Variants in TMEM132B observed in about 807,000 individuals in gnomAD.
The protein encoded by TMEM132B is transmembrane protein 132B.
TMEM132B carries 18 observed loss-of-function variants against 90.8 expected under a neutral mutation model. The ratio of observed to expected loss-of-function variants is 0.20; its 90% CI spans 0.14 to 0.29. TMEM132B has a LOEUF of 0.29. TMEM132B is among the 10% of genes least tolerant of loss of function. TMEM132B has a pLI of 1.00. For synonymous variants in TMEM132B, 504 were observed against 523.3 expected, an observed-to-expected ratio of 0.96 and a Z score of 0.50; for missense variants, 1,096 against 1,326.8, an observed-to-expected ratio of 0.83 and a Z score of 2.70.
intron 4 of TMEM132B, among the ~76,000 whole-genome samples, chr12:125,555,640 C>A (rs1438871122): frequency 6.6e-6 from 1 of 150,960 alleles, no homozygotes; most frequent in African/African-American, 2.4e-5. Flanking sequence ...GTGCAGCACA[C>A]CAACATGGCA....
intron 5 of TMEM132B, among the ~76,000 whole-genome samples, chr12:125,606,303 T>A (rs548038539): frequency 1.4e-5 from 2 of 147,822 alleles, no homozygotes; most frequent in Admixed American, 1.3e-4. Context: ...GGGCAAGGAC[T>A]GATTTCTTTC....
intron 1 of TMEM132B, among the ~76,000 whole-genome samples, chr12:125,272,594 G>T (rs1364852205): frequency 6.6e-6 from 1 of 152,072 alleles, no homozygotes; most frequent in Non-Finnish European, 1.5e-5. Flanking sequence ...AACTCGAGTT[G>T]GCACCACATC....
At chr12:125,222,367 A>G (rs564136415) in intron 1 of TMEM132B, among the ~76,000 whole-genome samples, 4 of 152,338 alleles carry the variant, frequency 2.6e-5, no homozygotes, top group African/African-American at 9.6e-5. Context: ...CATAGTTACT[A>G]TAATGCTGGG....
intron 2 of TMEM132B, among the ~76,000 whole-genome samples, chr12:125,365,468 C>A (rs543838569): frequency 6.6e-6 from 1 of 152,128 alleles, no homozygotes; most frequent in Admixed American, 6.5e-5. Flanking sequence ...TAGCCTTTTG[C>A]ATTTATCCAG....
chr12:125,352,028 A>G (rs1012936637), intron 2 of TMEM132B, among the ~76,000 whole-genome samples: 3 of 152,200 alleles, frequency 2.0e-5, no homozygotes, highest in African/African-American at 7.2e-5. Flanking sequence ...GCTGCCATCT[A>G]TATTTTCTGA....
rs12307367 is a variant in TMEM132B, at chr12:125,429,680, C to T, written c.1106+14003C>T. ...GAAGGCCCCTTTATTGAACCTTGTC[C>T]GATTATTTTTAACTTAACTAAACTG... On this transcript the variant is annotated intron_variant, in intron 3 of 8. Transcript: ENST00000682704. Among the ~76,000 whole-genome samples, 569 of 152,160 alleles carry T rather than the reference C, an allele frequency of 3.7e-3. 4 individuals carry two copies. Among genetic ancestry groups the T allele is most frequent in the African/African-American group, 0.013 (545 of 41,464 alleles).
intron 3 of TMEM132B, among the ~76,000 whole-genome samples, chr12:125,519,025 G>A (rs1369355242): frequency 6.6e-6 from 1 of 152,200 alleles, no homozygotes; most frequent in Non-Finnish European, 1.5e-5. Context: ...AGCAGGAATG[G>A]CCAAGGTCCA....
In TMEM132B at chr12:125,498,789, G is replaced by A. The variant is rs1882621852; in HGVS notation, c.1107-20650G>A. Among the ~76,000 whole-genome samples the A allele has an allele frequency of 6.6e-6, 1 of 152,202 alleles. No homozygotes were observed. The highest frequency in any genetic ancestry group is 1.5e-5 in the Non-Finnish European group (1 of 68,034). On this transcript the variant is annotated intron_variant, in intron 3 of 8. Transcript: ENST00000682704. This position sits in a 1 kb window ranked among gnomAD's most constrained non-coding sequence, Gnocchi z 4.5. ...AGGATACTGGTTAACGGTGTCTCTGGAGGTGACTTCCTAAGAGCTTCTGGC... is the reference window on the plus strand; with the variant it reads ...AGGATACTGGTTAACGGTGTCTCTGAAGGTGACTTCCTAAGAGCTTCTGGC...
chr12:125,325,075 T>C (rs1876523675), intron 1 of TMEM132B, among the ~76,000 whole-genome samples: 1 of 152,194 alleles, frequency 6.6e-6, no homozygotes, highest in South Asian at 2.1e-4. Context: ...AAGGGGTAGA[T>C]GTAGCCTGAG....
chr12:125,270,950 T>TG (rs938661609), intron 1 of TMEM132B, among the ~76,000 whole-genome samples: 3 of 148,698 alleles, frequency 2.0e-5, no homozygotes, highest in African/African-American at 7.4e-5. Context: ...ACATAGTTGT[T>TG]TTTTTTTTTT....
chr12:125,583,799 G>A (rs932036280), intron 4 of TMEM132B, 52 bp from the exon 5 acceptor site: 1 of 1,599,060 alleles, frequency 6.3e-7, no homozygotes, highest in Admixed American at 1.7e-5. Flanking sequence ...TCTCCTGCTC[G>A]CCCCTGTGGT....
In TMEM132B at chr12:125,403,234, T is replaced by C. The variant is rs1008453525; in HGVS notation, c.960-12297T>C. 1.3e-5 allele frequency among the ~76,000 whole-genome samples: 2 copies of C among 152,320 alleles called. 1 individual carries two copies. Among genetic ancestry groups the C allele is most frequent in the East Asian group, 3.9e-4 (2 of 5,190 alleles). ...GACATTATCTAGACATGTGAGCCCC[T>C]GTCTTGAATCTACCTCTACTTTCAG... On this transcript the variant is annotated intron_variant, in intron 2 of 8. Coordinates refer to ENST00000682704, the MANE Select transcript of TMEM132B (RefSeq NM_001366854.1).
intron 3 of TMEM132B, among the ~76,000 whole-genome samples, chr12:125,481,269 G>A (rs1882035675): frequency 6.6e-6 from 1 of 152,198 alleles, no homozygotes; most frequent in African/African-American, 2.4e-5. Flanking sequence ...AATCAGGCAA[G>A]AGAAAGAAAG....
At chr12:125,538,825 C>T (rs1298565502) in intron 4 of TMEM132B, among the ~76,000 whole-genome samples, 2 of 152,206 alleles carry the variant, frequency 1.3e-5, no homozygotes, top group Non-Finnish European at 2.9e-5. Flanking sequence ...ATGGCACCAT[C>T]ATCACCCTGC....
intron 1 of TMEM132B, among the ~76,000 whole-genome samples, chr12:125,241,325 T>C (rs958370291): frequency 1.3e-5 from 2 of 152,196 alleles, no homozygotes; most frequent in Non-Finnish European, 1.5e-5. Context: ...TAAAAATACC[T>C]GTGCTTCTCT....
chr12:125,244,384 C>T (rs1366443853), intron 1 of TMEM132B, among the ~76,000 whole-genome samples: 1 of 152,186 alleles, frequency 6.6e-6, no homozygotes. Flanking sequence ...CATGACCGCG[C>T]TATGGGGAGA....
intron 3 of TMEM132B, among the ~76,000 whole-genome samples, chr12:125,468,101 T>C (rs967746603): frequency 6.6e-6 from 1 of 151,968 alleles, no homozygotes; most frequent in Admixed American, 6.6e-5. Context: ...AGATGTATTC[T>C]TTCAGTTCTC....
intron 1 of TMEM132B, among the ~76,000 whole-genome samples, chr12:125,248,911 A>T (rs948531149): frequency 1.3e-5 from 2 of 151,898 alleles, no homozygotes; most frequent in Non-Finnish European, 2.9e-5. Context: ...TTCCTGGGGA[A>T]CCCAACCTGT....
intron 2 of TMEM132B, among the ~76,000 whole-genome samples, chr12:125,369,403 G>A (rs958311891): frequency 3.3e-5 from 5 of 152,086 alleles, no homozygotes; most frequent in African/African-American, 1.2e-4. Context: ...GGGATGGCTG[G>A]GTCAAATGGT....
Sources: allele counts gnomAD v4.1 joint callset (sites outside exome capture counted in the v4.1 genomes callset), GRCh38; gene constraint gnomAD v4.1.1; non-coding constraint Gnocchi (gnomAD v3.1); transcripts MANE v1.5; gene names NCBI Gene and HGNC (gene_info 2026-07-23, HGNC 2026-07-21).